Variants in MXRA8 observed in about 807,000 individuals in gnomAD.
MXRA8 encodes matrix remodeling associated 8, also known as matrix remodeling-associated protein 8.
In MXRA8, 44 loss-of-function variants were observed where a neutral mutation model predicts 51.4. The ratio of observed to expected loss-of-function variants is 0.86; its 90% CI spans 0.67 to 1.10. The LOEUF (loss-of-function observed/expected upper bound fraction) is 1.10, where lower values mean the gene tolerates loss of function less well. MXRA8 is among the 50% of genes least tolerant of loss of function. The pLI, the probability that MXRA8 is intolerant of heterozygous loss-of-function variation, is 0.00. For synonymous variants in MXRA8, 369 were observed against 293.5 expected (o/e 1.26, Z -2.63); for missense variants, 765 against 638.9 (o/e 1.20, Z -2.13).
chr1:1,353,458 C>T lies in MXRA8; in HGVS notation c.*146G>A, dbSNP rs111489086. The T allele has an allele frequency of 9.6e-3, 14,392 of 1,502,084 alleles. 987 individuals carry two copies. In the African/African-American group the frequency reaches 0.16, roughly 17 times the overall value. The allele number at this position is 1,502,084 out of a possible 1,614,324, so 93.0% of individuals were successfully genotyped here. ...AGCCCCTGGGAGAGGGGTGTGGAGG[C>T]GGCCTCTGCATACGCCCAGGCCAAA... On this transcript the variant is annotated 3_prime_UTR_variant, in exon 10 of 10. Coordinates refer to ENST00000309212, the MANE Select transcript of MXRA8 (RefSeq NM_032348.4).
At chr1:1,358,704 A>C (rs1644181183), upstream of MXRA8, 1 of 1,388,246 alleles carries the variant, frequency 7.2e-7, no homozygotes, top group South Asian at 1.7e-5. Context: ...GGGGAGGGGC[A>C]GTGTGGGAGC....
upstream of MXRA8, chr1:1,359,561 G>T (rs1256126968): frequency 1.0e-6 from 1 of 985,154 alleles, no homozygotes; most frequent in African/African-American, 1.7e-5. Context: ...TGGGTGGGGG[G>T]CTCACCCCTG....
chr1:1,354,523 G>C lies in MXRA8; in HGVS notation c.950-14C>G. 1 of 1,609,672 alleles carries C rather than the reference G, an allele frequency of 6.2e-7. No homozygotes were observed. Among genetic ancestry groups the C allele is most frequent in the South Asian group, 1.1e-5 (1 of 90,964 alleles). ...CCAGTGTGGGGTCTGCGGGGAACGCGGGGTCGGGGCGGCGTCAGGTACCAG... is the reference window on the plus strand; with the variant it reads ...CCAGTGTGGGGTCTGCGGGGAACGCCGGGTCGGGGCGGCGTCAGGTACCAG... On this transcript the variant is annotated splice_polypyrimidine_tract_variant and intron_variant, in intron 5 of 9. Transcript: ENST00000309212.
At position 1,353,831 on chromosome 1, in the gene MXRA8, T is replaced by A. The variant is rs758896659; in HGVS notation, c.1303+17A>T. 1.3e-6 allele frequency: 2 copies of A among 1,557,956 alleles called. No individual in the cohort carries two copies. Among genetic ancestry groups the A allele is most frequent in the Admixed American group, 3.7e-5 (2 of 54,428 alleles). ...GGCAGGGCTCTGAGATGGGCTGAGGTCGCCCCCGCCGCTCACCTTTGTCTA... is the reference window on the plus strand; with the variant it reads ...GGCAGGGCTCTGAGATGGGCTGAGGACGCCCCCGCCGCTCACCTTTGTCTA... On this transcript the variant is annotated intron_variant, in intron 9 of 9. Coordinates refer to ENST00000309212, the MANE Select transcript of MXRA8 (RefSeq NM_032348.4).
In MXRA8 at chr1:1,355,552, A is replaced by G. The variant is rs758043292; in HGVS notation, c.274T>C (p.Tyr92His). 2 of 1,491,096 alleles carry G rather than the reference A, an allele frequency of 1.3e-6. No homozygotes were observed. The highest frequency in any genetic ancestry group is 1.5e-5 in the African/African-American group (1 of 68,664). 92.4% of individuals were successfully genotyped at this position (1,491,096 alleles called of 1,614,324 possible). ...TACACGCGCTGCTCGCCCGCCGAGT[A>G]CAAGTCCAGCAGGCGCCGCGCGGGG... ...GGPARRLLDLYSAGEQRVYEA... is the reference protein window; with the variant it reads ...GGPARRLLDLHSAGEQRVYEA... Residue 92 changes from tyrosine (Y) to histidine (H), a missense_variant, in exon 3 of 10, where the codon TAC becomes CAC. Tyr to His is a moderately conservative substitution (Grantham distance 83). Coordinates refer to ENST00000309212, the MANE Select transcript of MXRA8 (RefSeq NM_032348.4).
chr1:1,353,836 C>T lies in MXRA8; in HGVS notation c.1303+12G>A, dbSNP rs370976501. On this transcript the variant is annotated intron_variant, in intron 9 of 9. Transcript: ENST00000309212. Reference sequence around the variant, plus strand: ...GGCTCTGAGATGGGCTGAGGTCGCCCCCGCCGCTCACCTTTGTCTAGGTCG... The same window carrying T: ...GGCTCTGAGATGGGCTGAGGTCGCCTCCGCCGCTCACCTTTGTCTAGGTCG... The T allele has an allele frequency of 6.3e-4, 993 of 1,567,060 alleles. 9 individuals are homozygous for T. The Middle Eastern group carries it at 0.011, about 17-fold the overall frequency.
chr1:1,355,648 C>G lies in MXRA8; in HGVS notation c.178G>C (p.Val60Leu). ...AVLRCQSPRM[V>L]WTQDRLHDRQ... is the part of the protein sequence containing the mutation. ...TCGTGCAGCCGGTCCTGGGTCCACACCATGCGCGGGCTCTGGCAGCGCAGC... is the reference window on the plus strand; with the variant it reads ...TCGTGCAGCCGGTCCTGGGTCCACAGCATGCGCGGGCTCTGGCAGCGCAGC... Residue 60 changes from valine to leucine, a missense_variant, in exon 3 of 10, where the codon GTG becomes CTG. Transcript: ENST00000309212. 1 of 1,437,918 alleles carries G rather than the reference C, an allele frequency of 7.0e-7. No individual in the cohort carries two copies. Among genetic ancestry groups the G allele is most frequent in the South Asian group, 1.4e-5 (1 of 72,350 alleles). The allele number at this position is 1,437,918 out of a possible 1,614,324, so 89.1% of individuals were successfully genotyped here. A position where few individuals can be genotyped will look rare whatever the true frequency, so the allele number is the denominator to read the frequency against.
At chr1:1,361,507 C>G, upstream of MXRA8, 1 of 564,428 alleles carries the variant, frequency 1.8e-6, no homozygotes. Flanking sequence ...ACAGCAAATG[C>G]CAGGCGAGGC....
At chr1:1,359,198 G>T (rs1644189381), upstream of MXRA8, 5 of 985,296 alleles carry the variant, frequency 5.1e-6, no homozygotes, top group African/African-American at 1.7e-5. Flanking sequence ...AGGCCTGGGG[G>T]TGCTGGGGTG....
intron 2 of MXRA8, 37 bp from the exon 3 acceptor site, chr1:1,355,789 GCCC>G: frequency 1.4e-6 from 1 of 694,284 alleles, no homozygotes; most frequent in Non-Finnish European, 1.8e-6. Context: ...GAAGGGGTGG[GCCC>G]CCTAGGGCCC....
Position 1,356,837 on chromosome 1 carries a change from C to T in MXRA8, c.50-133G>A, listed in dbSNP as rs551543161. 51 of 753,050 alleles carry T rather than the reference C, an allele frequency of 6.8e-5. No homozygotes were observed. In the South Asian group the frequency reaches 1.8e-3, roughly 26 times the overall value. 46.6% of individuals were successfully genotyped at this position (753,050 alleles called of 1,614,324 possible). On this transcript the variant is annotated intron_variant, in intron 1 of 9. Coordinates refer to ENST00000309212, the MANE Select transcript of MXRA8 (RefSeq NM_032348.4). ...GACACCCACTTCAGTGCAGGGAGGACGCCTCTCACACAGACCTACATAGCC... is the reference window on the plus strand; with the variant it reads ...GACACCCACTTCAGTGCAGGGAGGATGCCTCTCACACAGACCTACATAGCC...
rs1184777624 is a variant in MXRA8, at chr1:1,355,657, G to A, written c.169C>T (p.Pro57Ser). 1.4e-6 allele frequency: 2 copies of A among 1,422,552 alleles called. No homozygotes were observed. Among genetic ancestry groups the A allele is most frequent in the Admixed American group, 2.9e-5 (1 of 34,388 alleles). The allele number at this position is 1,422,552 out of a possible 1,614,324, so 88.1% of individuals were successfully genotyped here. A position where few individuals can be genotyped will look rare whatever the true frequency, so the allele number is the denominator to read the frequency against. The change falls in exon 3 of 10, where the codon CCG (proline) becomes TCG (serine). Residue 57 changes from proline (P) to serine (S), a missense_variant. Physicochemically the swap from Pro to Ser is moderately conservative, Grantham distance 74. Coordinates refer to ENST00000309212, the MANE Select transcript of MXRA8 (RefSeq NM_032348.4). ...CGGTCCTGGGTCCACACCATGCGCG[G>A]GCTCTGGCAGCGCAGCACCGCCCGG... Reference protein sequence around the residue: ...GARAVLRCQSPRMVWTQDRLH... With the variant: ...GARAVLRCQSSRMVWTQDRLH...
intron 1 of MXRA8, among the ~76,000 whole-genome samples, chr1:1,357,396 A>C (rs1644154361): frequency 2.0e-5 from 3 of 150,954 alleles, no homozygotes; most frequent in African/African-American, 7.3e-5. Context: ...CCTGGTGACC[A>C]CCCCCTGTGT....
chr1:1,360,124 G>T (rs563894752), upstream of MXRA8, among the ~76,000 whole-genome samples: 1 of 152,344 alleles, frequency 6.6e-6, no homozygotes, highest in East Asian at 1.9e-4. Flanking sequence ...TGAGAGGGGC[G>T]CCTGGTCCGC....
At chr1:1,357,175 G>A (rs1644150079) in intron 1 of MXRA8, among the ~76,000 whole-genome samples, 2 of 152,336 alleles carry the variant, frequency 1.3e-5, no homozygotes, top group African/African-American at 4.8e-5. Context: ...GAGGCCTGAA[G>A]GCTGAATGTG....
Position 1,354,216 on chromosome 1 carries a change from G to A in MXRA8, c.1122C>T (p.Asp374=). 6.2e-7 allele frequency: 1 copy of A among 1,612,594 alleles called. No homozygotes were observed. The highest frequency in any genetic ancestry group is 1.1e-5 in the South Asian group (1 of 91,050). Residue 374 remains aspartate (D), a synonymous_variant, in exon 7 of 10, where the codon GAC becomes GAT. Transcript: ENST00000309212. The part of the protein sequence containing the change: ...RRRRGGYEYS[D]QKSGKSKGKD... Reference sequence around the variant, plus strand: ...ACCCCTTTGACTTTCCCGACTTCTGGTCCGAGTATTCGTAGCCTGGGAAGG... The same window carrying A: ...ACCCCTTTGACTTTCCCGACTTCTGATCCGAGTATTCGTAGCCTGGGAAGG...
In MXRA8 at chr1:1,355,523, C is replaced by T. The variant is rs1465773471; in HGVS notation, c.303G>A (p.Glu101=). The part of the protein sequence containing the change: ...LYSAGEQRVY[E]ARDRGRLELS... ...GCTCCAGGCGGCCGCGGTCCCGCGC[C>T]TCGTACACGCGCTGCTCGCCCGCCG... Residue 101 remains glutamate, a synonymous_variant, in exon 3 of 10, where the codon GAG becomes GAA. Transcript: ENST00000309212. 2 of 1,498,660 alleles carry T rather than the reference C, an allele frequency of 1.3e-6. No individual in the cohort carries two copies. The highest frequency in any genetic ancestry group is 1.4e-5 in the African/African-American group (1 of 69,014). 92.8% of individuals were successfully genotyped at this position (1,498,660 alleles called of 1,614,324 possible). A position where few individuals can be genotyped will look rare whatever the true frequency, so the allele number is the denominator to read the frequency against.
chr1:1,356,346 G>A, intron 2 of MXRA8, among the ~76,000 whole-genome samples: 1 of 143,140 alleles, frequency 7.0e-6, no homozygotes, highest in Non-Finnish European at 1.5e-5. Flanking sequence ...TGGTGGGGAA[G>A]GGGACTCAGT....
chr1:1,359,089 C>T (rs1644187248), upstream of MXRA8: 2 of 985,466 alleles, frequency 2.0e-6, no homozygotes, highest in Non-Finnish European at 2.4e-6. Context: ...CTGGGGGCCA[C>T]GGTGGGCTCC....
Sources: allele counts gnomAD v4.1 joint callset (sites outside exome capture counted in the v4.1 genomes callset), GRCh38; gene constraint gnomAD v4.1.1; transcripts MANE v1.5; gene names NCBI Gene and HGNC (gene_info 2026-07-23, HGNC 2026-07-21).